The following CCDC7 variants were observed in gnomAD, a reference collection of about 807,000 sequenced individuals.
CCDC7 encodes the protein coiled-coil domain containing 7, also known as coiled-coil domain-containing protein 7.
CCDC7 carries 183 observed loss-of-function variants against 196.9 expected under a neutral mutation model. The ratio of observed to expected loss-of-function variants is 0.93; its 90% CI spans 0.82 to 1.05. The LOEUF is 1.05. Ranked by LOEUF, CCDC7 falls within the 50% of genes least tolerant of loss-of-function variation. CCDC7 has a pLI of 0.00. For missense variants in CCDC7, 1,540 were observed against 1,482.2 expected (o/e 1.04, Z -0.64); for synonymous variants, 525 against 484.6 (o/e 1.08, Z -1.10).
chr10:32,859,767 A>G lies in CCDC7; in HGVS notation c.4111+5278A>G, dbSNP rs559730258. Among the ~76,000 whole-genome samples, 3 of 152,358 alleles carry G rather than the reference A, an allele frequency of 2.0e-5. No individual in the cohort carries two copies. In the East Asian group the frequency reaches 5.8e-4, roughly 29 times the overall value. The stretch of plus-strand genomic sequence containing the variant: ...TCCCACAGAAATACAAACTACCATC[A>G]GAGAATACTATAAACGCCTCTACGC... On this transcript the variant is annotated intron_variant, in intron 41 of 41. Coordinates refer to ENST00000639629, the Ensembl canonical transcript of CCDC7.
intron 33 of CCDC7, among the ~76,000 whole-genome samples, chr10:32,843,523 TA>T (rs1331401747): frequency 1.3e-5 from 2 of 152,002 alleles, no homozygotes; most frequent in African/African-American, 4.8e-5. Flanking sequence ...ATTTATTTTG[TA>T]AAAATACCTC....
intron 28 of CCDC7, among the ~76,000 whole-genome samples, chr10:32,737,625 G>A (rs536353195): frequency 1.1e-4 from 17 of 152,262 alleles, no homozygotes; most frequent in Non-Finnish European, 1.8e-4. Context: ...AGATGGTACT[G>A]AAGGCTGCAA....
chr10:32,478,804 G>C (rs1292181412), intron 8 of CCDC7, among the ~76,000 whole-genome samples: 1 of 152,066 alleles, frequency 6.6e-6, no homozygotes, highest in African/African-American at 2.4e-5. Context: ...GTATTGGAGT[G>C]ATACTGGCCT....
At chr10:32,692,401 C>T (rs1468650594) in intron 23 of CCDC7, among the ~76,000 whole-genome samples, 2 of 152,194 alleles carry the variant, frequency 1.3e-5, no homozygotes, top group Non-Finnish European at 2.9e-5. Flanking sequence ...TTGAAAAGCT[C>T]ATGTAAATAA....
intron 13 of CCDC7, among the ~76,000 whole-genome samples, chr10:32,558,064 T>G (rs2054656959): frequency 2.0e-5 from 3 of 152,230 alleles, no homozygotes; most frequent in Non-Finnish European, 4.4e-5. Context: ...GCTGGACATT[T>G]TTATTATGCT....
At chr10:32,491,560 A>G (rs2042156516) in intron 8 of CCDC7, among the ~76,000 whole-genome samples, 1 of 152,200 alleles carries the variant, frequency 6.6e-6, no homozygotes, top group African/African-American at 2.4e-5. Flanking sequence ...GATATTCCAT[A>G]TCATAAGAAG....
intron 13 of CCDC7, among the ~76,000 whole-genome samples, chr10:32,559,642 A>C (rs2055059444): frequency 2.0e-5 from 3 of 152,234 alleles, no homozygotes; most frequent in African/African-American, 7.2e-5. Context: ...TAACAAACAC[A>C]AAGGACATCC....
chr10:32,486,006 A>G (rs963607038), intron 8 of CCDC7, among the ~76,000 whole-genome samples: 60 of 152,188 alleles, frequency 3.9e-4, no homozygotes, highest in African/African-American at 1.4e-3. Flanking sequence ...GTAGATGTCT[A>G]TTAGGTCCAC....
chr10:32,495,617 C>A (rs2042797234), intron 9 of CCDC7, among the ~76,000 whole-genome samples: 2 of 152,180 alleles, frequency 1.3e-5, no homozygotes, highest in Non-Finnish European at 2.9e-5. Flanking sequence ...TATGGCTAGC[C>A]AGTTTTCCCA....
At chr10:32,559,229 C>T (rs1432112996) in intron 13 of CCDC7, among the ~76,000 whole-genome samples, 6 of 152,240 alleles carry the variant, frequency 3.9e-5, no homozygotes, top group Non-Finnish European at 8.8e-5. Context: ...CTGTAGGCTC[C>T]ACCTCTGGGG....
chr10:32,476,184 C>T (rs1020977870), intron 8 of CCDC7, among the ~76,000 whole-genome samples: 6 of 152,228 alleles, frequency 3.9e-5, no homozygotes, highest in African/African-American at 1.2e-4. Context: ...TTTAATTGCC[C>T]CCAAAATCCC....
chr10:32,562,030 C>G (rs1424535617), intron 13 of CCDC7, among the ~76,000 whole-genome samples: 1 of 152,176 alleles, frequency 6.6e-6, no homozygotes, highest in African/African-American at 2.4e-5. Flanking sequence ...CACCTCTCCG[C>G]AAATAAACTA....
rs570117106 is a variant in CCDC7 at position 32,563,578 on chromosome 10, G to A, written c.1135-1980G>A. On this transcript the variant is annotated intron_variant, in intron 13 of 41. Coordinates refer to ENST00000639629, the Ensembl canonical transcript of CCDC7. ...GATTCCCTATTTAATAAATGGTGCT[G>A]GGAATACTGGCCAGCCATATGTAGA... 9.8e-4 allele frequency among the ~76,000 whole-genome samples: 149 copies of A among 152,280 alleles called. 1 individual carries two copies. The highest frequency in any genetic ancestry group is 3.5e-3 in the African/African-American group (145 of 41,550).
chr10:32,607,429 G>A (rs577248523), intron 18 of CCDC7, among the ~76,000 whole-genome samples: 15 of 152,212 alleles, frequency 9.9e-5, no homozygotes, highest in Admixed American at 4.6e-4. Flanking sequence ...AAAAGGTTTC[G>A]ACTTTTCCCC....
At chr10:32,515,851 T>G (rs184866092) in intron 9 of CCDC7, among the ~76,000 whole-genome samples, 32 of 152,276 alleles carry the variant, frequency 2.1e-4, no homozygotes, top group Non-Finnish European at 4.4e-4. Flanking sequence ...GGATTACTTA[T>G]TTTTGCCATG....
intron 22 of CCDC7, among the ~76,000 whole-genome samples, chr10:32,687,943 T>C (rs2076649421): frequency 6.6e-6 from 1 of 152,206 alleles, no homozygotes; most frequent in Admixed American, 6.5e-5. Flanking sequence ...AAGCTCTTCT[T>C]TGAGACTTCA....
intron 12 of CCDC7, among the ~76,000 whole-genome samples, chr10:32,543,590 T>C (rs1057000874): frequency 1.3e-5 from 2 of 152,074 alleles, no homozygotes; most frequent in Admixed American, 1.3e-4. Context: ...AAAAATGGAC[T>C]GGAAGAGGAG....
At chr10:32,748,358 GA>G (rs558417381) in intron 28 of CCDC7, among the ~76,000 whole-genome samples, 6,292 of 150,502 alleles carry the variant, frequency 0.042, 129 homozygotes, top group Middle Eastern at 0.065. Context: ...CAAAATAATA[GA>G]AAAAAAAAGT....
chr10:32,468,275 G>T (rs1191714833), intron 5 of CCDC7, among the ~76,000 whole-genome samples: 1 of 152,102 alleles, frequency 6.6e-6, no homozygotes, highest in Admixed American at 6.5e-5. Context: ...GCAGTGTTTT[G>T]TAGTTCCCCT....
Sources: gnomAD v4.1 joint callset for allele counts (sites outside exome capture counted in the v4.1 genomes callset) on GRCh38, gnomAD v4.1.1 for gene constraint, MANE v1.5 for transcripts, NCBI Gene and HGNC (gene_info 2026-07-23, HGNC 2026-07-21) for gene names.